COL5A2: variants seen among roughly 807,000 people sequenced by gnomAD.
The protein encoded by COL5A2 is collagen type V alpha 2 chain.
A neutral mutation model predicts 208.2 loss-of-function variants in COL5A2; 23 were observed. That is an observed-to-expected ratio of 0.11 (90% CI 0.08 to 0.16). COL5A2 has a LOEUF of 0.16. Ranked by LOEUF, COL5A2 falls within the 10% of genes least tolerant of loss-of-function variation. The pLI is 1.00. For synonymous variants in COL5A2, 625 were observed against 628.5 expected (o/e 0.99, Z 0.08); for missense variants, 1,590 against 1,956.4 (o/e 0.81, Z 3.53).
the COL5A2 span, among the ~76,000 whole-genome samples, chr2:189,419,712 C>T: frequency 6.6e-6 from 1 of 151,752 alleles, no homozygotes; most frequent in East Asian, 1.9e-4. Context: ...AGGAGGATCG[C>T]CTGACCCCAG....
At chr2:189,097,395 C>G (rs756200535) in intron 5 of COL5A2, 65 bp from the exon 6 acceptor site, 57 of 1,555,382 alleles carry the variant, frequency 3.7e-5, no homozygotes, top group Non-Finnish European at 5.0e-5. Flanking sequence ...TTTTAAAAGT[C>G]TACTTGATAA....
chr2:189,436,462 C>T, the COL5A2 span, among the ~76,000 whole-genome samples: 3 of 152,018 alleles, frequency 2.0e-5, no homozygotes, highest in African/African-American at 7.3e-5. Flanking sequence ...CAACATGGCA[C>T]ATGTATACAT....
chr2:189,268,248 T>G, the COL5A2 span, among the ~76,000 whole-genome samples: 11 of 152,284 alleles, frequency 7.2e-5, no homozygotes, highest in East Asian at 1.7e-3. Context: ...TGGCATTGTT[T>G]CCACAAGAAA....
chr2:189,225,171 T>C (rs1689397763), exon 1 of COL5A2, among the ~76,000 whole-genome samples: 1 of 152,140 alleles, frequency 6.6e-6, no homozygotes, highest in Admixed American at 6.6e-5. Flanking sequence ...ATGTTGACTC[T>C]CAGCAGTCTT....
At chr2:189,039,214 T>C in intron 51 of COL5A2, 58 bp downstream of exon 51, 2 of 1,596,590 alleles carry the variant, frequency 1.3e-6, no homozygotes, top group African/African-American at 1.3e-5. Context: ...TGGAATGCAG[T>C]TGAGAATAAA....
the COL5A2 span, among the ~76,000 whole-genome samples, chr2:189,299,455 AAAG>A: frequency 2.6e-4 from 39 of 152,330 alleles, no homozygotes; most frequent in African/African-American, 8.9e-4. Context: ...ACTAACCTGC[AAAG>A]AAGAAGAACT....
chr2:189,284,242 G>A, the COL5A2 span, among the ~76,000 whole-genome samples: 1 of 152,060 alleles, frequency 6.6e-6, no homozygotes, highest in Non-Finnish European at 1.5e-5. Context: ...CCACTTTTAT[G>A]TTTAATATGG....
the COL5A2 span, among the ~76,000 whole-genome samples, chr2:189,276,736 G>A: frequency 6.6e-6 from 1 of 151,966 alleles, no homozygotes. Flanking sequence ...TCAGAACTTA[G>A]ATTTAATATA....
At chr2:189,153,540 T>C (rs1041004119) in intron 1 of COL5A2, among the ~76,000 whole-genome samples, 1 of 152,084 alleles carries the variant, frequency 6.6e-6, no homozygotes, top group African/African-American at 2.4e-5. Context: ...CATAATGACA[T>C]CAATAGTTAC....
intron 9 of COL5A2, among the ~76,000 whole-genome samples, chr2:189,086,056 T>C (rs905724174): frequency 3.3e-5 from 5 of 152,160 alleles, no homozygotes; most frequent in African/African-American, 1.2e-4. Context: ...CCATCAATGG[T>C]AGTTCTCCTC....
At chr2:189,323,726 T>C in the COL5A2 span, among the ~76,000 whole-genome samples, 1 of 152,118 alleles carries the variant, frequency 6.6e-6, no homozygotes, top group Non-Finnish European at 1.5e-5. Flanking sequence ...GAATCAATAT[T>C]GTGAAAATGG....
At chr2:189,322,894 T>G in the COL5A2 span, among the ~76,000 whole-genome samples, 1 of 152,066 alleles carries the variant, frequency 6.6e-6, no homozygotes, top group Non-Finnish European at 1.5e-5. Context: ...TAGACCAATA[T>G]CCCTGATGAA....
intron 1 of COL5A2, among the ~76,000 whole-genome samples, chr2:189,166,855 C>T (rs573561047): frequency 9.9e-5 from 15 of 152,250 alleles, no homozygotes; most frequent in East Asian, 7.7e-4. Context: ...TGTCCTAGGA[C>T]GCTAACTATA....
At chr2:189,269,988 T>C in the COL5A2 span, among the ~76,000 whole-genome samples, 2 of 152,340 alleles carry the variant, frequency 1.3e-5, no homozygotes, top group Admixed American at 1.3e-4. Context: ...CAGGAATTTA[T>C]CCATTTCTTC....
At chr2:189,308,395 G>C in the COL5A2 span, among the ~76,000 whole-genome samples, 1 of 152,052 alleles carries the variant, frequency 6.6e-6, no homozygotes, top group Non-Finnish European at 1.5e-5. Context: ...TCACATAACA[G>C]ATAGCCGGCC....
chr2:189,360,872 T>C, the COL5A2 span, among the ~76,000 whole-genome samples: 1 of 152,168 alleles, frequency 6.6e-6, no homozygotes, highest in Non-Finnish European at 1.5e-5. Context: ...ATGCAGTGTT[T>C]GGTTTTCTGT....
intron 1 of COL5A2, among the ~76,000 whole-genome samples, chr2:189,172,071 C>T (rs1212646368): frequency 6.6e-6 from 1 of 152,146 alleles, no homozygotes; most frequent in African/African-American, 2.4e-5. Context: ...CCATGCTAGA[C>T]CAGCTTAAGT....
At chr2:189,114,423 A>G (rs1687345839) in intron 1 of COL5A2, among the ~76,000 whole-genome samples, 2 of 152,228 alleles carry the variant, frequency 1.3e-5, no homozygotes, top group Admixed American at 1.3e-4. Flanking sequence ...AAAGTAAAAT[A>G]GAAAGCAAAA....
the COL5A2 span, among the ~76,000 whole-genome samples, chr2:189,436,824 G>T: frequency 6.6e-6 from 1 of 152,080 alleles, no homozygotes; most frequent in African/African-American, 2.4e-5. Context: ...CTCATAGAGG[G>T]GAACAACACA....
Sources: allele counts gnomAD v4.1 joint callset (sites outside exome capture counted in the v4.1 genomes callset), GRCh38; gene constraint gnomAD v4.1.1; transcripts MANE v1.5; gene names NCBI Gene and HGNC (gene_info 2026-07-23, HGNC 2026-07-21).